The following ST18 variants were observed in gnomAD, a reference collection of about 807,000 sequenced individuals.
ST18 encodes suppression of tumorigenicity 18 protein.
A neutral mutation model predicts 110.0 loss-of-function variants in ST18; 50 were observed. The ratio of observed to expected loss-of-function variants is 0.45; its 90% CI spans 0.36 to 0.58. The LOEUF (loss-of-function observed/expected upper bound fraction) is 0.58. Among genes scored for constraint, ST18 ranks in the 20% least tolerant of loss-of-function variants. The pLI, the probability that ST18 is intolerant of heterozygous loss-of-function variation, is 0.00. For synonymous variants in ST18, 461 were observed against 452.4 expected, an observed-to-expected ratio of 1.02 and a Z score of -0.24; for missense variants, 1,306 against 1,280.1, an observed-to-expected ratio of 1.02 and a Z score of -0.31.
intron 2 of ST18, among the ~76,000 whole-genome samples, chr8:52,390,598 C>T (rs1838977034): frequency 6.6e-6 from 1 of 152,160 alleles, no homozygotes; most frequent in South Asian, 2.1e-4. Context: ...TTGCATTGAG[C>T]ACTGTATTTT....
chr8:52,359,551 A>C (rs545958445), intron 2 of ST18, among the ~76,000 whole-genome samples: 83 of 152,232 alleles, frequency 5.5e-4, no homozygotes, highest in African/African-American at 1.9e-3. Flanking sequence ...TGAGTACAAA[A>C]TCACGAACTC....
chr8:52,343,507 T>C (rs550493561), intron 2 of ST18, among the ~76,000 whole-genome samples: 24 of 152,298 alleles, frequency 1.6e-4, no homozygotes, highest in African/African-American at 5.5e-4. Context: ...GCTGGCTTTA[T>C]AAAAGTTCCA....
intron 2 of ST18, among the ~76,000 whole-genome samples, chr8:52,337,405 C>A (rs901522962): frequency 1.3e-5 from 2 of 152,216 alleles, no homozygotes; most frequent in African/African-American, 4.8e-5. Flanking sequence ...GTGGAAACTG[C>A]AAGTACTCTC....
intron 2 of ST18, among the ~76,000 whole-genome samples, chr8:52,378,383 T>C (rs1190455176): frequency 6.6e-6 from 1 of 152,142 alleles, no homozygotes; most frequent in East Asian, 1.9e-4. Flanking sequence ...CTATAAGGTA[T>C]CTATAATAAT....
chr8:52,142,889 A>C, intron 17 of ST18, 41 bp downstream of exon 17: 1 of 1,393,516 alleles, frequency 7.2e-7, no homozygotes, highest in Non-Finnish European at 1.0e-6. Flanking sequence ...TTGAATCTTC[A>C]TTCCAGAATC....
intron 8 of ST18, among the ~76,000 whole-genome samples, chr8:52,189,486 C>A (rs976326790): frequency 6.6e-6 from 1 of 152,172 alleles, no homozygotes; most frequent in African/African-American, 2.4e-5. Context: ...GGCCAGGAAA[C>A]CCATCCCAAT....
At chr8:52,280,477 A>T (rs945351048) in intron 2 of ST18, among the ~76,000 whole-genome samples, 12 of 152,052 alleles carry the variant, frequency 7.9e-5, no homozygotes, top group Admixed American at 7.9e-4. Flanking sequence ...TTATATGTGT[A>T]TAATATACAC....
chr8:52,262,886 C>T (rs1446356083), intron 2 of ST18, among the ~76,000 whole-genome samples: 1 of 152,206 alleles, frequency 6.6e-6, no homozygotes, highest in East Asian at 1.9e-4. Context: ...CTTTAGACAT[C>T]ATTTGCAAGG....
intron 23 of ST18, among the ~76,000 whole-genome samples, chr8:52,121,391 A>G (rs893993969): frequency 1.3e-5 from 2 of 152,176 alleles, no homozygotes; most frequent in African/African-American, 4.8e-5. Context: ...CTGGGGTGCT[A>G]TTTTAGCCAC....
intron 2 of ST18, among the ~76,000 whole-genome samples, chr8:52,260,345 C>CTT (rs1268398215): frequency 1.3e-5 from 2 of 152,056 alleles, no homozygotes; most frequent in African/African-American, 4.8e-5. Flanking sequence ...GGATAAAGTT[C>CTT]TTGTTCTTCA....
chr8:52,383,667 T>G (rs1240995812), intron 2 of ST18, among the ~76,000 whole-genome samples: 1 of 152,132 alleles, frequency 6.6e-6, no homozygotes, highest in Admixed American at 6.5e-5. Flanking sequence ...CAGGCTGGTC[T>G]CTAACTCCTG....
chr8:52,355,923 G>C (rs1432000918), intron 2 of ST18, among the ~76,000 whole-genome samples: 1 of 152,216 alleles, frequency 6.6e-6, no homozygotes, highest in Non-Finnish European at 1.5e-5. Flanking sequence ...TTCCTGGAAA[G>C]CTTTTGTTAA....
At chr8:52,136,711 G>C in intron 18 of ST18, 53 bp from the exon 19 acceptor site, 9 of 1,454,302 alleles carry the variant, frequency 6.2e-6, no homozygotes, top group Non-Finnish European at 8.5e-6. Context: ...ATACAAATCT[G>C]AGTCAAATGG....
chr8:52,114,337 T>C lies in ST18; in HGVS notation c.3004-999A>G, dbSNP rs182162445. 2.9e-3 allele frequency among the ~76,000 whole-genome samples: 448 copies of C among 152,212 alleles called. 9 individuals carry two copies. Among genetic ancestry groups the C allele is most frequent in the Non-Finnish European group, 4.4e-4 (30 of 68,020 alleles). On this transcript the variant is annotated intron_variant, in intron 25 of 25. Transcript: ENST00000689386. ...GTGATGCTTCAAGGAGAGCACATGC[T>C]GGATACATGTAAATTTCACACAAAT...
intron 9 of ST18, among the ~76,000 whole-genome samples, chr8:52,173,618 A>G (rs929898798): frequency 6.6e-6 from 1 of 152,112 alleles, no homozygotes; most frequent in African/African-American, 2.4e-5. Flanking sequence ...ACTCCAGCCC[A>G]GGCCCAGGCA....
intron 11 of ST18, among the ~76,000 whole-genome samples, chr8:52,165,609 T>C (rs1394308785): frequency 1.3e-5 from 2 of 152,212 alleles, no homozygotes; most frequent in African/African-American, 2.4e-5. Flanking sequence ...GTTCTGCGTA[T>C]GGTCTTCTTT....
chr8:52,171,478 T>G, intron 10 of ST18: 2 of 442,824 alleles, frequency 4.5e-6, no homozygotes, highest in East Asian at 6.4e-5. Context: ...TAAATACTGA[T>G]GTACTTCCAA....
At position 52,210,059 on chromosome 8, in the gene ST18, T is replaced by C. The variant is rs2135915419; in HGVS notation, c.86+2020A>G. The stretch of plus-strand genomic sequence containing the variant: ...TTTTCTCTGAATGACTTGGTTCCTT[T>C]AAAGGACTCTGGTGTCCCTCACCAG... On this transcript the variant is annotated intron_variant, in intron 8 of 25. Coordinates refer to ENST00000689386, the MANE Select transcript of ST18 (RefSeq NM_001352837.2). 3 of 456,058 alleles carry C rather than the reference T, an allele frequency of 6.6e-6. 1 individual carries two copies. Among genetic ancestry groups the C allele is most frequent in the South Asian group, 4.6e-5 (3 of 64,544 alleles). The allele number at this position is 456,058 out of a possible 1,614,324, so 28.3% of individuals were successfully genotyped here. A position where few individuals can be genotyped will look rare whatever the true frequency, so the allele number is the denominator to read the frequency against.
intron 2 of ST18, among the ~76,000 whole-genome samples, chr8:52,295,049 T>C (rs2139414969): frequency 6.6e-6 from 1 of 152,364 alleles, no homozygotes. Flanking sequence ...AGACAAGATT[T>C]ACCTCTAAGG....
Sources: gnomAD v4.1 joint callset for allele counts (sites outside exome capture counted in the v4.1 genomes callset) on GRCh38, gnomAD v4.1.1 for gene constraint, MANE v1.5 for transcripts, NCBI Gene and HGNC (gene_info 2026-07-23, HGNC 2026-07-21) for gene names.